The following CTNNA2 variants were observed in gnomAD, a reference collection of about 807,000 sequenced individuals.
The protein encoded by CTNNA2 is catenin alpha-2.
A neutral mutation model predicts 101.0 loss-of-function variants in CTNNA2; 42 were observed. The observed-to-expected ratio is 0.42, with a 90% CI of 0.32 to 0.54. The LOEUF (loss-of-function observed/expected upper bound fraction) is 0.54. Among genes scored for constraint, CTNNA2 ranks in the 20% least tolerant of loss-of-function variants. The probability of loss-of-function intolerance (pLI) is 0.14; values close to 1 mark genes in which losing one functional copy is unlikely to be tolerated. For missense variants in CTNNA2, 871 were observed against 1,223.1 expected (o/e 0.71, Z 4.29); for synonymous variants, 450 against 456.4 (o/e 0.99, Z 0.18).
chr2:79,905,682 C>CA (rs1685374187), intron 6 of CTNNA2, among the ~76,000 whole-genome samples: 1 of 152,066 alleles, frequency 6.6e-6, no homozygotes, highest in Non-Finnish European at 1.5e-5. Context: ...AGAGGGCAGC[C>CA]ACTCAGAGAG....
intron 1 of CTNNA2, among the ~76,000 whole-genome samples, chr2:79,192,032 A>G (rs1673881192): frequency 6.6e-6 from 1 of 152,108 alleles, no homozygotes. Flanking sequence ...GATCCGGTCA[A>G]GGTGCGAAGC....
At chr2:80,347,352 C>A (rs1947033) in intron 7 of CTNNA2, among the ~76,000 whole-genome samples, 14,935 of 152,122 alleles carry the variant, frequency 0.098, 1,704 homozygotes, top group African/African-American at 0.28. Context: ...TGCCATTTAA[C>A]AGGAAATTCA....
chr2:80,372,659 A>G lies in CTNNA2; in HGVS notation c.1057-20552A>G, dbSNP rs1417581640. Among the ~76,000 whole-genome samples, 4 of 151,616 alleles carry G rather than the reference A, an allele frequency of 2.6e-5. No homozygotes were observed. In the East Asian group the frequency reaches 7.8e-4, roughly 29 times the overall value. On this transcript the variant is annotated intron_variant, in intron 7 of 18. Coordinates refer to ENST00000402739, the MANE Select transcript of CTNNA2 (RefSeq NM_001282597.3). ...AAAAAATAGACATTGTCTTCATTTC[A>G]TATCTCTTCATTGGGAAAACAGCTT...
At chr2:79,715,612 G>A (rs1382023860) in intron 2 of CTNNA2, among the ~76,000 whole-genome samples, 4 of 152,172 alleles carry the variant, frequency 2.6e-5, no homozygotes, top group Admixed American at 2.6e-4. Flanking sequence ...ACTTCACAGT[G>A]TGGGAACACT....
intron 18 of CTNNA2, among the ~76,000 whole-genome samples, chr2:80,634,773 GTT>G (rs1420721334): frequency 1.3e-5 from 2 of 152,138 alleles, no homozygotes; most frequent in Non-Finnish European, 2.9e-5. Context: ...TAATAGATAT[GTT>G]TTGAAAATAT....
At chr2:79,424,335 A>G (rs1678570823) in intron 4 of CTNNA2, among the ~76,000 whole-genome samples, 1 of 152,138 alleles carries the variant, frequency 6.6e-6, no homozygotes, top group African/African-American at 2.4e-5. Context: ...ATTATTCTTC[A>G]TATTCAAGTT....
At chr2:79,779,452 A>G (rs984907862) in intron 3 of CTNNA2, among the ~76,000 whole-genome samples, 1 of 152,210 alleles carries the variant, frequency 6.6e-6, no homozygotes, top group South Asian at 2.1e-4. Flanking sequence ...TGCCTAGAGC[A>G]TATAAGTAGC....
intron 7 of CTNNA2, chr2:80,328,131 C>A (rs965112943): frequency 5.3e-6 from 2 of 380,166 alleles, no homozygotes; most frequent in Non-Finnish European, 1.1e-5. Context: ...TTCTTTACAG[C>A]AACAAACTCT....
intron 3 of CTNNA2, among the ~76,000 whole-genome samples, chr2:79,828,355 T>C (rs1678604066): frequency 1.3e-5 from 2 of 152,358 alleles, no homozygotes; most frequent in Middle Eastern, 3.4e-3. Context: ...TTTTTGTCCA[T>C]TTATAAGCTA....
intron 12 of CTNNA2, 57 bp downstream of exon 12, chr2:80,555,950 C>A: frequency 1.7e-6 from 2 of 1,158,094 alleles, no homozygotes; most frequent in Non-Finnish European, 2.3e-6. Flanking sequence ...GTTTCTATAA[C>A]TGAATAAATC....
At chr2:79,683,850 A>G (rs1347375104) in intron 2 of CTNNA2, among the ~76,000 whole-genome samples, 1 of 152,212 alleles carries the variant, frequency 6.6e-6, no homozygotes, top group Non-Finnish European at 1.5e-5. Context: ...TCAAGATTTT[A>G]AAAGCACTTG....
intron 1 of CTNNA2, among the ~76,000 whole-genome samples, chr2:79,617,018 C>T (rs1187445922): frequency 6.6e-6 from 1 of 152,048 alleles, no homozygotes; most frequent in African/African-American, 2.4e-5. Context: ...TCTCCTGCCT[C>T]AGCCACCAAA....
chr2:79,413,366 G>A (rs963151368), intron 4 of CTNNA2, among the ~76,000 whole-genome samples: 5 of 147,504 alleles, frequency 3.4e-5, no homozygotes, highest in Admixed American at 2.1e-4. Flanking sequence ...CTTCATTCTT[G>A]TTGTTGCAAA....
intron 7 of CTNNA2, among the ~76,000 whole-genome samples, chr2:80,126,407 G>T (rs1343215055): frequency 2.0e-5 from 3 of 151,476 alleles, no homozygotes; most frequent in Admixed American, 1.3e-4. Context: ...ATCTTCTCTG[G>T]CCCATCTTCT....
chr2:80,338,539 T>C (rs770798388), intron 7 of CTNNA2, among the ~76,000 whole-genome samples: 4 of 152,086 alleles, frequency 2.6e-5, no homozygotes, highest in Non-Finnish European at 4.4e-5. Flanking sequence ...ATGCTAACAG[T>C]TGGGTTAGGT....
intron 3 of CTNNA2, among the ~76,000 whole-genome samples, chr2:79,773,863 G>A (rs192733605): frequency 1.8e-4 from 28 of 152,228 alleles, no homozygotes; most frequent in Admixed American, 1.6e-3. Context: ...CACAATCTGA[G>A]TTTTAACCAG....
intron 8 of CTNNA2, among the ~76,000 whole-genome samples, chr2:80,412,521 T>C (rs1679678069): frequency 6.6e-6 from 1 of 152,194 alleles, no homozygotes; most frequent in Non-Finnish European, 1.5e-5. Flanking sequence ...AGTCCACTAA[T>C]TGATCAGAAA....
intron 3 of CTNNA2, among the ~76,000 whole-genome samples, chr2:79,340,817 G>A (rs1355902232): frequency 8.8e-5 from 10 of 113,286 alleles, no homozygotes; most frequent in East Asian, 5.4e-4. Context: ...CTGGGCTACA[G>A]AGCGAGACTC....
rs745448568 is a variant in CTNNA2, at chr2:80,303,326, G to C, written c.1057-89885G>C. 4 of 1,613,890 alleles carry C rather than the reference G, an allele frequency of 2.5e-6. No homozygotes were observed. Among genetic ancestry groups the C allele is most frequent in the Non-Finnish European group, 3.4e-6 (4 of 1,180,036 alleles). On this transcript the variant is annotated intron_variant, in intron 7 of 18. Coordinates refer to ENST00000402739, the MANE Select transcript of CTNNA2 (RefSeq NM_001282597.3). This position sits in a 1 kb window ranked among gnomAD's most constrained non-coding sequence, Gnocchi z 7.7. ...GATGGCGTTGGCCCGCATATGCAGC[G>C]TGGTGAGCTTCCGCAGCCCGTGGAA... is the stretch of plus-strand genomic sequence containing the variant.
Sources: allele counts gnomAD v4.1 joint callset (sites outside exome capture counted in the v4.1 genomes callset), GRCh38; gene constraint gnomAD v4.1.1; non-coding constraint Gnocchi (gnomAD v3.1); transcripts MANE v1.5; gene names NCBI Gene and HGNC (gene_info 2026-07-23, HGNC 2026-07-21).